Variants in CDH7 observed in about 807,000 individuals in gnomAD.
CDH7 encodes cadherin-7.
CDH7 carries 25 observed loss-of-function variants against 71.8 expected under a neutral mutation model. That is an observed-to-expected ratio of 0.35 (90% CI 0.25 to 0.49). The LOEUF (loss-of-function observed/expected upper bound fraction) is 0.49, where lower values mean the gene tolerates loss of function less well. CDH7 is among the 20% of genes least tolerant of loss of function. The pLI is 0.99. For synonymous variants in CDH7, 381 were observed against 363.8 expected, an observed-to-expected ratio of 1.05 and a Z score of -0.54; for missense variants, 862 against 974.6, an observed-to-expected ratio of 0.88 and a Z score of 1.54.
intron 11 of CDH7, among the ~76,000 whole-genome samples, chr18:65,867,145 C>T (rs1481512672): frequency 6.6e-6 from 1 of 151,470 alleles, no homozygotes; most frequent in Non-Finnish European, 1.5e-5. Context: ...ACGCCATTCT[C>T]CTGCCTCAGC....
intron 11 of CDH7, among the ~76,000 whole-genome samples, chr18:65,879,845 TC>T (rs1276118506): frequency 6.6e-6 from 1 of 152,200 alleles, no homozygotes; most frequent in Non-Finnish European, 1.5e-5. Context: ...AAAGTGGGAC[TC>T]AATTTATTAT....
At position 65,782,165 on chromosome 18, in the gene CDH7, CCTTTCTTTCTT is replaced by C. The variant is rs1910328273; in HGVS notation, c.210+19114_210+19124del. ...TTCTTTCTTTCTTTCTTTCTTTCTT[CCTTTCTTTCTT>C]TCTTTCTTTCTTGACAGAGTCTCAC... On this transcript the variant is annotated intron_variant, in intron 2 of 11. Coordinates refer to ENST00000397968, the MANE Select transcript of CDH7 (RefSeq NM_004361.5). Among the ~76,000 whole-genome samples, 31 of 25,520 alleles carry C rather than the reference CCTTTCTTTCTT, an allele frequency of 1.2e-3. 5 individuals carry two copies. The highest frequency in any genetic ancestry group is 5.1e-3 in the African/African-American group (29 of 5,656). The allele number at this position is 25,520 out of a possible 152,430, so 16.7% of individuals were successfully genotyped here. A position where few individuals can be genotyped will look rare whatever the true frequency, so the allele number is the denominator to read the frequency against.
intron 4 of CDH7, among the ~76,000 whole-genome samples, chr18:65,820,429 A>G (rs1181081774): frequency 6.6e-6 from 1 of 152,138 alleles, no homozygotes; most frequent in African/African-American, 2.4e-5. Flanking sequence ...GTGTATTTAT[A>G]TACACAATTA....
chr18:65,862,625 A>T (rs748130161), intron 10 of CDH7, 41 bp from the exon 11 acceptor site: 7 of 1,592,862 alleles, frequency 4.4e-6, no homozygotes, highest in Non-Finnish European at 6.0e-6. Flanking sequence ...GACTGATTCC[A>T]TCAGAAATCT....
At chr18:65,843,782 A>G (rs1912822391) in intron 6 of CDH7, 30 bp from the exon 7 acceptor site, 1 of 1,470,690 alleles carries the variant, frequency 6.8e-7, no homozygotes, top group African/African-American at 1.4e-5. Flanking sequence ...TTAACCGGTA[A>G]TTTAATTTTC....
chr18:65,828,474 T>C (rs1273867981), intron 6 of CDH7, among the ~76,000 whole-genome samples: 1 of 152,184 alleles, frequency 6.6e-6, no homozygotes, highest in Admixed American at 6.5e-5. Flanking sequence ...AGATGACTTA[T>C]GTAGCCTAGA....
At position 65,853,928 on chromosome 18, in the gene CDH7, T is replaced by TATATCC. The variant is rs1555689507; in HGVS notation, c.1236-3884_1236-3883insCCATAT. ...TACCATATATATATATATATATATA[T>TATATCC]ATATATATATATATATATATATATA... On this transcript the variant is annotated intron_variant, in intron 7 of 11. Transcript: ENST00000397968. Among the ~76,000 whole-genome samples, 398 of 98,076 alleles carry TATATCC rather than the reference T, an allele frequency of 4.1e-3. 14 individuals are homozygous for TATATCC. The highest frequency in any genetic ancestry group is 0.015 in the African/African-American group (378 of 25,974). The allele number at this position is 98,076 out of a possible 152,430, so 64.3% of individuals were successfully genotyped here.
In CDH7 at chr18:65,889,522, A is replaced by G. The variant is rs1177567292; in HGVS notation, c.*8628A>G. On this transcript the variant is annotated 3_prime_UTR_variant, in exon 12 of 12. Transcript: ENST00000397968. Reference sequence around the variant, plus strand: ...GACCAAACACAGACGATAACCCACCATGAAGGAGATGGTTCATAGAAATCT... The same window carrying G: ...GACCAAACACAGACGATAACCCACCGTGAAGGAGATGGTTCATAGAAATCT... 1 of 152,216 alleles carries G rather than the reference A, an allele frequency of 6.6e-6. No homozygotes were observed. The highest frequency in any genetic ancestry group is 2.4e-5 in the African/African-American group (1 of 41,464). 9.4% of individuals were successfully genotyped at this position (152,216 alleles called of 1,614,324 possible). A position where few individuals can be genotyped will look rare whatever the true frequency, so the allele number is the denominator to read the frequency against.
At chr18:65,766,814 A>G (rs970748140) in intron 2 of CDH7, among the ~76,000 whole-genome samples, 3 of 143,372 alleles carry the variant, frequency 2.1e-5, no homozygotes, top group African/African-American at 7.6e-5. Flanking sequence ...ATTGGATCGC[A>G]CTGCATTTCT....
At chr18:65,803,078 C>T (rs1407655688) in intron 2 of CDH7, 1 of 151,870 alleles carries the variant, frequency 6.6e-6, no homozygotes, top group Non-Finnish European at 1.5e-5. Flanking sequence ...TTATTTTATC[C>T]TCACGTCAAC....
chr18:65,790,879 A>G (rs1261393346), intron 2 of CDH7, among the ~76,000 whole-genome samples: 2 of 152,224 alleles, frequency 1.3e-5, no homozygotes, highest in Non-Finnish European at 2.9e-5. Flanking sequence ...AAAACAAAAC[A>G]AAATAAAACA....
At chr18:65,750,862 C>G (rs7236903), upstream of CDH7, 53,892 of 152,054 alleles carry the variant, frequency 0.35, 9,966 homozygotes, top group Middle Eastern at 0.48. Context: ...GCTGCCCGGG[C>G]GAGCCGGAGG....
intron 7 of CDH7, among the ~76,000 whole-genome samples, chr18:65,854,036 G>A (rs1029949055): frequency 2.0e-5 from 3 of 149,308 alleles, no homozygotes; most frequent in Non-Finnish European, 3.0e-5. Context: ...CGTGGTGTGT[G>A]GTTCAAGCCT....
chr18:65,818,734 A>G (rs188042167), intron 4 of CDH7, among the ~76,000 whole-genome samples: 35 of 152,312 alleles, frequency 2.3e-4, no homozygotes, highest in Non-Finnish European at 4.3e-4. Flanking sequence ...TCACACAGAA[A>G]TAATTATCTT....
At position 65,859,783 on chromosome 18, in the gene CDH7, G is replaced by A. The variant is rs369291256; in HGVS notation, c.1570G>A (p.Asp524Asn). ...GHQFYFSLTTDATNNHNFSLK... is the reference protein window; with the variant it reads ...GHQFYFSLTTNATNNHNFSLK... The stretch of plus-strand genomic sequence containing the variant: ...CCAGTTTTACTTCAGCTTAACAACG[G>A]ATGCAACAAATAACCACAACTTTTC... Residue 524 changes from aspartate to asparagine, a missense_variant, in exon 10 of 12, where the codon GAT becomes AAT. By Grantham distance (23) the Asp-to-Asn change is conservative (BLOSUM62 1). Coordinates refer to ENST00000397968, the MANE Select transcript of CDH7 (RefSeq NM_004361.5). 3.1e-6 allele frequency: 5 copies of A among 1,610,288 alleles called. No homozygotes were observed. The African/African-American group carries it at 5.3e-5, about 17-fold the overall frequency.
chr18:65,759,500 A>C (rs1039404762), intron 1 of CDH7, among the ~76,000 whole-genome samples: 3 of 151,312 alleles, frequency 2.0e-5, no homozygotes, highest in Non-Finnish European at 4.4e-5. Context: ...GATTTTCCTG[A>C]CTTGGCCTCC....
At chr18:65,863,237 C>G (rs1248850313) in intron 11 of CDH7, 1 of 310,456 alleles carries the variant, frequency 3.2e-6, no homozygotes, top group Admixed American at 4.7e-5. Flanking sequence ...TGAGTTTCAC[C>G]ATGTTGGGCA....
At chr18:65,820,350 G>C (rs1032619009) in intron 4 of CDH7, among the ~76,000 whole-genome samples, 4 of 151,410 alleles carry the variant, frequency 2.6e-5, no homozygotes, top group African/African-American at 9.7e-5. Flanking sequence ...CGGAGTTATA[G>C]GTATCCAATT....
chr18:65,770,855 T>C (rs1335516441), intron 2 of CDH7, among the ~76,000 whole-genome samples: 2 of 152,322 alleles, frequency 1.3e-5, no homozygotes, highest in East Asian at 3.9e-4. Context: ...ATTTTGAAGA[T>C]AGATATAATT....
Sources: gnomAD v4.1 joint callset for allele counts (sites outside exome capture counted in the v4.1 genomes callset) on GRCh38, gnomAD v4.1.1 for gene constraint, MANE v1.5 for transcripts, NCBI Gene and HGNC (gene_info 2026-07-23, HGNC 2026-07-21) for gene names.